ETF1: variants seen among roughly 807,000 people sequenced by gnomAD.
The protein encoded by ETF1 is eukaryotic translation termination factor 1, also known as eukaryotic peptide chain release factor subunit 1.
A neutral mutation model predicts 55.1 loss-of-function variants in ETF1; 4 were observed. That is an observed-to-expected ratio of 0.07 (90% confidence interval 0.04 to 0.17). ETF1 has a LOEUF of 0.17. Ranked by LOEUF, ETF1 falls within the 10% of genes least tolerant of loss-of-function variation. The pLI, the probability that ETF1 is intolerant of heterozygous loss-of-function variation, is 1.00. For synonymous variants in ETF1, 157 were observed against 182.3 expected, an observed-to-expected ratio of 0.86 and a Z score of 1.12; for missense variants, 142 against 523.6, an observed-to-expected ratio of 0.27 and a Z score of 7.11.
chr5:138,536,013 G>A (rs967271128), intron 2 of ETF1, among the ~76,000 whole-genome samples: 2 of 151,552 alleles, frequency 1.3e-5, no homozygotes, highest in Non-Finnish European at 2.9e-5. Context: ...TTGTGTGGCA[G>A]ATCATGTTTT....
At chr5:138,531,748 T>C (rs976961371) in intron 2 of ETF1, among the ~76,000 whole-genome samples, 18 of 152,056 alleles carry the variant, frequency 1.2e-4, no homozygotes, top group African/African-American at 4.3e-4. Flanking sequence ...CAAAGCTCAA[T>C]TTAAATCTCA....
At position 138,543,203 on chromosome 5, in the gene ETF1, A is replaced by C. The variant is rs1188371575; in HGVS notation, c.-125T>G. On this transcript the variant is annotated 5_prime_UTR_variant, in exon 1 of 11. It removes an upstream start codon present in the reference 5' UTR. Coordinates refer to ENST00000360541, the MANE Select transcript of ETF1 (RefSeq NM_004730.4). ...CGGCTCCCTCTCTCCAGGCAGCTGCATGTGTTGCAATCCGCTCACATGGGG... is the reference window on the plus strand; with the variant it reads ...CGGCTCCCTCTCTCCAGGCAGCTGCCTGTGTTGCAATCCGCTCACATGGGG... The C allele has an allele frequency of 7.4e-6, 4 of 537,238 alleles. No homozygotes were observed. Among genetic ancestry groups the C allele is most frequent in the African/African-American group, 2.0e-5 (1 of 50,762 alleles). The allele number at this position is 537,238 out of a possible 1,614,324, so 33.3% of individuals were successfully genotyped here.
chr5:138,519,159 T>C (rs1027504701), intron 2 of ETF1: 34 of 984,370 alleles, frequency 3.5e-5, no homozygotes, highest in Middle Eastern at 5.2e-4. Context: ...AGAAGCTATC[T>C]ATGATAAATA....
chr5:138,525,938 C>G (rs1289816250), intron 2 of ETF1, among the ~76,000 whole-genome samples: 1 of 66,428 alleles, frequency 1.5e-5, no homozygotes, highest in African/African-American at 5.6e-5. Context: ...GAGTGAGACT[C>G]TGTTTAAAAA....
At chr5:138,517,515 G>C (rs1214040821) in intron 4 of ETF1, 46 bp downstream of exon 4, 1 of 1,300,202 alleles carries the variant, frequency 7.7e-7, no homozygotes, top group South Asian at 1.5e-5. Flanking sequence ...TGGGTACGGG[G>C]AAAGAATTCT....
chr5:138,517,594 T>A lies in ETF1; in HGVS notation c.369A>T (p.Ser123=). 6.3e-7 allele frequency: 1 copy of A among 1,593,976 alleles called. No homozygotes were observed. Among genetic ancestry groups the A allele is most frequent in the Non-Finnish European group, 8.6e-7 (1 of 1,167,198 alleles). The stretch of plus-strand genomic sequence containing the variant: ...GGAATTTGTTGTCACACAAATACAA[T>A]GACGTATTAATTGGTTTGAAAGGTT... ...DFEPFKPINT[S]LYLCDNKFHT... The change falls in exon 4 of 11, where the codon TCA becomes TCT. Residue 123 remains serine, a synonymous_variant. Coordinates refer to ENST00000360541, the MANE Select transcript of ETF1 (RefSeq NM_004730.4).
chr5:138,526,033 G>A (rs1209091042), intron 2 of ETF1, among the ~76,000 whole-genome samples: 1 of 151,696 alleles, frequency 6.6e-6, no homozygotes, highest in Non-Finnish European at 1.5e-5. Context: ...TACTTCCTGA[G>A]ATCCTTATAG....
At chr5:138,520,729 A>G (rs1040741825) in intron 2 of ETF1, among the ~76,000 whole-genome samples, 8 of 152,174 alleles carry the variant, frequency 5.3e-5, no homozygotes, top group Non-Finnish European at 7.3e-5. Flanking sequence ...CTGAGGCAGG[A>G]ATATCACTCA....
chr5:138,528,809 AG>A (rs1765579793), intron 2 of ETF1, among the ~76,000 whole-genome samples: 1 of 152,154 alleles, frequency 6.6e-6, no homozygotes, highest in Non-Finnish European at 1.5e-5. Flanking sequence ...AAAAATTTAA[AG>A]GGTACTTTAA....
At chr5:138,531,082 C>G (rs1765680645) in intron 2 of ETF1, among the ~76,000 whole-genome samples, 1 of 152,162 alleles carries the variant, frequency 6.6e-6, no homozygotes, top group Non-Finnish European at 1.5e-5. Context: ...AACTTAATCC[C>G]CACTGCAATA....
At chr5:138,527,525 T>C (rs914598300) in intron 2 of ETF1, among the ~76,000 whole-genome samples, 1 of 152,200 alleles carries the variant, frequency 6.6e-6, no homozygotes, top group Non-Finnish European at 1.5e-5. Context: ...AAACTCTACA[T>C]ACATGCCAAT....
rs1764614281 is a variant in ETF1 at position 138,507,854 on chromosome 5, A to G, written c.*451T>C. 6.4e-6 allele frequency: 1 copy of G among 156,464 alleles called. No individual in the cohort carries two copies. Among genetic ancestry groups the G allele is most frequent in the Non-Finnish European group, 1.4e-5 (1 of 70,382 alleles). The allele number at this position is 156,464 out of a possible 1,614,324, so 9.7% of individuals were successfully genotyped here. ...GCTGAGAATGCCATGTAAATGGGTC[A>G]CTGCGAAATGCAGCAATTTAATTTT... On this transcript the variant is annotated 3_prime_UTR_variant, in exon 11 of 11. Coordinates refer to ENST00000360541, the MANE Select transcript of ETF1 (RefSeq NM_004730.4).
chr5:138,508,930 T>C, intron 9 of ETF1, 114 bp from the exon 10 acceptor site: 2 of 1,483,706 alleles, frequency 1.3e-6, no homozygotes, highest in Non-Finnish European at 1.8e-6. Flanking sequence ...TTTATAGGCA[T>C]GTCTGTGTGT....
chr5:138,508,553 A>T, intron 10 of ETF1, 116 bp downstream of exon 10: 1 of 1,556,838 alleles, frequency 6.4e-7, no homozygotes. Context: ...CTGCTGCGTC[A>T]ATCACCTATC....
At chr5:138,521,990 T>G (rs1413490415) in intron 2 of ETF1, among the ~76,000 whole-genome samples, 1 of 152,204 alleles carries the variant, frequency 6.6e-6, no homozygotes, top group African/African-American at 2.4e-5. Context: ...TTTTTCTTAG[T>G]TTAGTCACAA....
intron 2 of ETF1, among the ~76,000 whole-genome samples, chr5:138,535,338 C>CTT (rs70982720): frequency 6.7e-6 from 1 of 149,176 alleles, no homozygotes; most frequent in Non-Finnish European, 1.5e-5. Flanking sequence ...GAATAATTGG[C>CTT]TTTTTTTTTT....
chr5:138,542,785 G>A, intron 2 of ETF1, 48 bp downstream of exon 2: 2 of 1,604,666 alleles, frequency 1.2e-6, no homozygotes, highest in East Asian at 2.2e-5. Flanking sequence ...CCATCCTGAG[G>A]GGTCCGGGAA....
At chr5:138,525,448 G>A (rs1352636773) in intron 2 of ETF1, among the ~76,000 whole-genome samples, 1 of 127,334 alleles carries the variant, frequency 7.9e-6, no homozygotes, top group Non-Finnish European at 1.6e-5. Context: ...GAGCCACCAT[G>A]TCTGGCCTAT....
chr5:138,535,279 A>AAGCATTAGTTCCCCCATGAAGCAG (rs1765872193), intron 2 of ETF1, among the ~76,000 whole-genome samples: 1 of 151,960 alleles, frequency 6.6e-6, no homozygotes, highest in Non-Finnish European at 1.5e-5. Flanking sequence ...AAGAAGAAGA[A>AAGCATTAGTTCCCCCATGAAGCAG]AGCATTAGTT....
Sources: gnomAD v4.1 joint callset for allele counts (sites outside exome capture counted in the v4.1 genomes callset) on GRCh38, gnomAD v4.1.1 for gene constraint, MANE v1.5 for transcripts, NCBI Gene and HGNC (gene_info 2026-07-23, HGNC 2026-07-21) for gene names.